Variants in SLC25A51 observed in about 807,000 individuals in gnomAD.
SLC25A51 encodes the protein mitochondrial nicotinamide adenine dinucleotide transporter SLC25A51.
Under a neutral mutation model 19.1 loss-of-function variants are expected in SLC25A51, and 11 were observed. The observed-to-expected ratio is 0.58, with a 90% CI of 0.36 to 0.96. The LOEUF (loss-of-function observed/expected upper bound fraction) is 0.96, where lower values mean the gene tolerates loss of function less well. SLC25A51 is among the 40% of genes least tolerant of loss of function. SLC25A51 has a pLI of 0.01. For synonymous variants in SLC25A51, 105 were observed against 133.6 expected (o/e 0.79, Z 1.47); for missense variants, 201 against 365.4 (o/e 0.55, Z 3.67).
intron 2 of SLC25A51, among the ~76,000 whole-genome samples, chr9:37,889,378 T>G (rs1348530819): frequency 6.6e-6 from 1 of 152,118 alleles, no homozygotes; most frequent in Non-Finnish European, 1.5e-5. Flanking sequence ...GGTGAACAAT[T>G]ACACCAATGT....
At chr9:37,899,510 G>A (rs904531603) in intron 2 of SLC25A51, among the ~76,000 whole-genome samples, 3 of 152,028 alleles carry the variant, frequency 2.0e-5, no homozygotes, top group Non-Finnish European at 1.5e-5. Context: ...GACCACACAC[G>A]TGCGCCACCA....
downstream of SLC25A51, among the ~76,000 whole-genome samples, chr9:37,884,312 T>G (rs370676202): frequency 1.8e-4 from 28 of 152,372 alleles, no homozygotes; most frequent in East Asian, 3.9e-3. Context: ...TGTTAAGGGA[T>G]GAGAATGCTA....
At chr9:37,883,916 G>T (rs548465685), downstream of SLC25A51, among the ~76,000 whole-genome samples, 1 of 152,088 alleles carries the variant, frequency 6.6e-6, no homozygotes, top group Non-Finnish European at 1.5e-5. Context: ...TGCTTAATAC[G>T]CTTCATCCTT....
At chr9:37,887,316 CA>C (rs367826068), downstream of SLC25A51, among the ~76,000 whole-genome samples, 574 of 122,982 alleles carry the variant, frequency 4.7e-3, 1 homozygote, top group Middle Eastern at 8.5e-3. Flanking sequence ...GACTCTGCCT[CA>C]AAAAAAAAAA....
intron 3 of SLC25A51, among the ~76,000 whole-genome samples, chr9:37,880,939 T>C (rs552890521): frequency 1.3e-5 from 2 of 152,196 alleles, no homozygotes; most frequent in Non-Finnish European, 2.9e-5. Context: ...CAGATGATGA[T>C]TAAACACCCT....
At chr9:37,883,118 T>C (rs1467467736), downstream of SLC25A51, among the ~76,000 whole-genome samples, 1 of 152,266 alleles carries the variant, frequency 6.6e-6, no homozygotes, top group Non-Finnish European at 1.5e-5. Context: ...GTGCTGGGAT[T>C]ACAGGCGTGA....
At chr9:37,883,119 A>G (rs569030415), downstream of SLC25A51, among the ~76,000 whole-genome samples, 1 of 152,376 alleles carries the variant, frequency 6.6e-6, no homozygotes, top group East Asian at 1.9e-4. Flanking sequence ...TGCTGGGATT[A>G]CAGGCGTGAG....
chr9:37,882,169 A>C (rs1475146448), intron 2 of SLC25A51, among the ~76,000 whole-genome samples: 1 of 152,254 alleles, frequency 6.6e-6, no homozygotes, highest in Non-Finnish European at 1.5e-5. Context: ...ATACCTGTTC[A>C]AGTCTTTGAT....
Position 37,882,019 on chromosome 9 carries a change from G to A in SLC25A51, n.409-388C>T, listed in dbSNP as rs115930329. On this transcript the variant is annotated intron_variant and non_coding_transcript_variant, in intron 2 of 3. Transcript: ENST00000496760. Reference sequence around the variant, plus strand: ...AACTATCAAACAAAAATAGCATTGTGCACTTAACCACTTTCAATAATGAAC... The same window carrying A: ...AACTATCAAACAAAAATAGCATTGTACACTTAACCACTTTCAATAATGAAC... 8.5e-3 allele frequency among the ~76,000 whole-genome samples: 1,287 copies of A among 152,214 alleles called. 14 individuals carry two copies. Among genetic ancestry groups the A allele is most frequent in the African/African-American group, 0.029 (1,198 of 41,534 alleles).
chr9:37,886,300 A>T, downstream of SLC25A51: 7 of 1,614,046 alleles, frequency 4.3e-6, no homozygotes, highest in South Asian at 7.7e-5. Context: ...CCAAGAAGCT[A>T]TCAAAGGCTG....
At chr9:37,885,938 G>C (rs1370126476), downstream of SLC25A51, 15 of 1,611,668 alleles carry the variant, frequency 9.3e-6, no homozygotes, top group Non-Finnish European at 1.3e-5. Flanking sequence ...TAAAACCATT[G>C]ATGAGGAACT....
Position 37,888,475 on chromosome 9 carries a change from T to C in SLC25A51, c.76A>G (p.Thr26Ala). 1.9e-6 allele frequency: 3 copies of C among 1,614,246 alleles called. No individual in the cohort carries two copies. Among genetic ancestry groups the C allele is most frequent in the Non-Finnish European group, 2.5e-6 (3 of 1,180,028 alleles). Residue 26 changes from threonine to alanine, a missense_variant, in exon 3 of 3, where the codon ACA becomes GCA. Transcript: ENST00000242275. ...SSKQDISPHI[T>A]NVGEMKHYLC... The stretch of plus-strand genomic sequence containing the variant: ...TAATGCTTCATCTCACCAACATTTG[T>C]AATATGAGGTGATATATCTTGTTTT...
chr9:37,889,845 T>C (rs1356270628), intron 2 of SLC25A51, among the ~76,000 whole-genome samples: 1 of 151,582 alleles, frequency 6.6e-6, no homozygotes, highest in Non-Finnish European at 1.5e-5. Flanking sequence ...ATCTGATTCC[T>C]TCTCCCTGAA....
At chr9:37,898,543 G>T (rs545659533) in intron 2 of SLC25A51, among the ~76,000 whole-genome samples, 1 of 148,372 alleles carries the variant, frequency 6.7e-6, no homozygotes. Flanking sequence ...CAACAAGAGT[G>T]AAACTCCATC....
chr9:37,903,086 C>T (rs1831890561), intron 1 of SLC25A51, among the ~76,000 whole-genome samples: 1 of 152,228 alleles, frequency 6.6e-6, no homozygotes, highest in African/African-American at 2.4e-5. Flanking sequence ...GATGAGTCAA[C>T]TCCTAGCTTG....
At chr9:37,897,345 T>A (rs1480354214) in intron 2 of SLC25A51, among the ~76,000 whole-genome samples, 8 of 152,042 alleles carry the variant, frequency 5.3e-5, no homozygotes, top group Admixed American at 6.6e-5. Flanking sequence ...ATGAGCCACT[T>A]TGCCCTGCCT....
intron 2 of SLC25A51, among the ~76,000 whole-genome samples, chr9:37,889,621 G>A (rs1831536193): frequency 1.3e-5 from 2 of 151,530 alleles, no homozygotes; most frequent in Admixed American, 1.3e-4. Context: ...GCTAGTAACT[G>A]GTGGGGTCAG....
chr9:37,885,636 G>C, downstream of SLC25A51: 1 of 833,662 alleles, frequency 1.2e-6, no homozygotes, highest in Non-Finnish European at 2.1e-6. Context: ...GCCCAACGTG[G>C]GCCTCAGAGA....
At chr9:37,894,868 G>A (rs1045233570) in intron 2 of SLC25A51, among the ~76,000 whole-genome samples, 45 of 152,240 alleles carry the variant, frequency 3.0e-4, no homozygotes, top group Non-Finnish European at 5.3e-4. Context: ...GAGAACATGT[G>A]GTATTTGGTT....
Sources: gnomAD v4.1 joint callset for allele counts (sites outside exome capture counted in the v4.1 genomes callset) on GRCh38, gnomAD v4.1.1 for gene constraint, MANE v1.5 for transcripts, NCBI Gene and HGNC (gene_info 2026-07-23, HGNC 2026-07-21) for gene names.